DMD: variants seen among roughly 807,000 people sequenced by gnomAD.
The protein encoded by DMD is mutant dystrophin.
Under a neutral mutation model 330.1 loss-of-function variants are expected in DMD, and 63 were observed. That is an observed-to-expected ratio of 0.19 (90% CI 0.16 to 0.24). The LOEUF (loss-of-function observed/expected upper bound fraction) is 0.24. Among genes scored for constraint, DMD ranks in the 10% least tolerant of loss-of-function variants. The pLI is 1.00. For synonymous variants in DMD, 1,223 were observed against 959.8 expected (o/e 1.27, Z -5.07); for missense variants, 3,344 against 2,684.1 (o/e 1.25, Z -5.43).
rs72466567 is a variant in DMD at position 31,478,191 on chromosome X, C to A, written c.8852G>T (p.Arg2951Leu). 3 of 1,211,012 alleles carry A rather than the reference C, an allele frequency of 2.5e-6. No homozygotes were observed. The highest frequency in any genetic ancestry group is 1.7e-5 in the African/African-American group (1 of 57,706). Residue 2951 changes from arginine (R) to leucine (L), a missense_variant, in exon 59 of 79, where the codon CGC becomes CTC. Physicochemically the swap from Arg to Leu is moderately radical, Grantham distance 102 (BLOSUM62 -2). Coordinates refer to ENST00000357033, the MANE Select transcript of DMD (RefSeq NM_004006.3). ...GGATCCCTTGATCACCTCAGCTTGG[C>A]GCAGCTTGAGGTCCAGCTCATCCGT... Reference protein sequence around the residue: ...EATDELDLKLRQAEVIKGSWQ... With the variant: ...EATDELDLKLLQAEVIKGSWQ...
chrX:32,544,177 C>T (rs964099528), intron 17 of DMD, among the ~76,000 whole-genome samples: 3 of 111,110 alleles, frequency 2.7e-5, no homozygotes, highest in Admixed American at 9.6e-5. Context: ...GAGAAAAGGC[C>T]CAGTGATTTA....
chrX:31,670,109 A>C (rs1322890406), intron 53 of DMD, among the ~76,000 whole-genome samples: 1 of 111,616 alleles, frequency 9.0e-6, no homozygotes, highest in Non-Finnish European at 1.9e-5. Context: ...ATTCATTTTT[A>C]ATGTATAAAA....
chrX:32,568,208 A>T (rs1158630810), intron 15 of DMD, among the ~76,000 whole-genome samples: 1 of 112,196 alleles, frequency 8.9e-6, no homozygotes, highest in East Asian at 2.8e-4. Context: ...AATGAAAGTG[A>T]AAGTCACCAT....
chrX:31,653,084 C>T (rs2080555704), intron 54 of DMD, among the ~76,000 whole-genome samples: 1 of 111,111 alleles, frequency 9.0e-6, no homozygotes, highest in African/African-American at 3.3e-5. Flanking sequence ...ACTAGAGTAG[C>T]TCCTTGCTAC....
Position 32,255,667 on chromosome X carries a change from T to C in DMD, c.6290+31862A>G, listed in dbSNP as rs148947791. Among the ~76,000 whole-genome samples the C allele has an allele frequency of 5.9e-3, 662 of 112,188 alleles. 7 individuals carry two copies. Among genetic ancestry groups the C allele is most frequent in the African/African-American group, 0.02 (631 of 30,957 alleles). On this transcript the variant is annotated intron_variant, in intron 43 of 78. Transcript: ENST00000357033. ...GATAATTTTATTCTCGGCCTACATA[T>C]GAGAAAACAAGGAAAGTGCTGAATG... is the stretch of plus-strand genomic sequence containing the variant.
At chrX:32,315,804 T>C (rs138323328) in intron 41 of DMD, among the ~76,000 whole-genome samples, 2,478 of 111,766 alleles carry the variant, frequency 0.022, 33 homozygotes, top group Middle Eastern at 0.047. Flanking sequence ...TTTTCACCTA[T>C]CTTTCAAAGA....
intron 17 of DMD, among the ~76,000 whole-genome samples, chrX:32,528,663 C>T (rs1288037904): frequency 2.7e-5 from 3 of 111,254 alleles, no homozygotes; most frequent in Admixed American, 9.5e-5. Context: ...GACTTTAAGT[C>T]TGATAAGAAG....
At chrX:31,221,709 C>T (rs2046055835) in intron 64 of DMD, among the ~76,000 whole-genome samples, 1 of 112,907 alleles carries the variant, frequency 8.9e-6, no homozygotes, top group Non-Finnish European at 1.9e-5. Flanking sequence ...CTACAAATTT[C>T]ATGAACATCC....
chrX:31,714,080 C>T (rs775696842), intron 52 of DMD, among the ~76,000 whole-genome samples: 15 of 111,467 alleles, frequency 1.3e-4, no homozygotes, highest in African/African-American at 4.2e-4. Flanking sequence ...TCTATTCTGT[C>T]TCTATTAGAA....
At chrX:32,457,975 TTCTA>T (rs1363600910) in intron 25 of DMD, among the ~76,000 whole-genome samples, 5 of 111,396 alleles carry the variant, frequency 4.5e-5, no homozygotes, top group South Asian at 3.7e-4. Context: ...TCTATTTGTT[TTCTA>T]TCTAACAAAC....
At chrX:31,814,640 A>G (rs978553422) in intron 50 of DMD, among the ~76,000 whole-genome samples, 5 of 111,390 alleles carry the variant, frequency 4.5e-5, no homozygotes, top group Non-Finnish European at 9.4e-5. Flanking sequence ...GCATGTCTAT[A>G]TGCAATTTCT....
chrX:31,762,740 C>T (rs1232271845), intron 51 of DMD, among the ~76,000 whole-genome samples: 2 of 111,481 alleles, frequency 1.8e-5, no homozygotes, highest in African/African-American at 6.5e-5. Context: ...CTGGATAAGC[C>T]ACTGTAGTGA....
chrX:32,233,599 T>TTTTATTTA (rs767364915), intron 43 of DMD, among the ~76,000 whole-genome samples: 2,236 of 87,899 alleles, frequency 0.025, 29 homozygotes, highest in Middle Eastern at 0.035. Context: ...TTTCTTTTTC[T>TTTTATTTA]TTTATTTATT....
At chrX:31,164,899 A>G (rs951595742) in intron 74 of DMD, among the ~76,000 whole-genome samples, 5 of 110,898 alleles carry the variant, frequency 4.5e-5, no homozygotes, top group African/African-American at 1.6e-4. Context: ...CTTCTTAAAA[A>G]AGGTAATACA....
intron 47 of DMD, among the ~76,000 whole-genome samples, chrX:31,925,847 G>A (rs1326073278): frequency 9.7e-6 from 1 of 103,298 alleles, no homozygotes; most frequent in Non-Finnish European, 2.0e-5. Flanking sequence ...ACTCCAGCCT[G>A]GGCGACAGAG....
intron 1 of DMD, among the ~76,000 whole-genome samples, chrX:33,283,435 A>G (rs773293059): frequency 7.6e-4 from 83 of 108,587 alleles, no homozygotes; most frequent in African/African-American, 2.6e-3. Flanking sequence ...GAGGCAGGAG[A>G]ATTGCTTGAA....
intron 47 of DMD, among the ~76,000 whole-genome samples, chrX:31,906,201 T>A (rs1049084293): frequency 8.9e-6 from 1 of 111,934 alleles, no homozygotes; most frequent in Admixed American, 9.5e-5. Context: ...AAGAAGAAGG[T>A]GTTTGCTTCC....
Position 32,429,007 on chromosome X carries a change from G to T in DMD, c.4071+9234C>A, listed in dbSNP as rs141426018. On this transcript the variant is annotated intron_variant, in intron 29 of 78. Coordinates refer to ENST00000357033, the MANE Select transcript of DMD (RefSeq NM_004006.3). ...GTCTATTTTGCTGGAAATAAATTAG[G>T]TGTCTAAGCTTTTTATTGATTAATC... 3.5e-4 allele frequency among the ~76,000 whole-genome samples: 39 copies of T among 110,883 alleles called. 2 individuals are homozygous for T. In the East Asian group the frequency reaches 0.01, roughly 30 times the overall value.
chrX:32,389,615 C>A lies in DMD; in HGVS notation c.4404G>T (p.Glu1468Asp), dbSNP rs1462655612. 2.5e-6 allele frequency: 3 copies of A among 1,210,750 alleles called. No individual in the cohort carries two copies. Among genetic ancestry groups the A allele is most frequent in the Non-Finnish European group, 3.4e-6 (3 of 894,973 alleles). The change falls in exon 32 of 79, where the codon GAG (glutamate) becomes GAT (aspartate). Residue 1468 changes from glutamate to aspartate, a missense_variant. Physicochemically the swap from Glu to Asp is conservative, Grantham distance 45. Coordinates refer to ENST00000357033, the MANE Select transcript of DMD (RefSeq NM_004006.3). ...FRLFQKPANF[E>D]QRLQESKMIL... ...TCATCTTACTTTCTTGTAGACGCTGCTCAAAATTGGCTGGTTTCTGGAATA... is the reference window on the plus strand; with the variant it reads ...TCATCTTACTTTCTTGTAGACGCTGATCAAAATTGGCTGGTTTCTGGAATA...
Sources: gnomAD v4.1 joint callset for allele counts (sites outside exome capture counted in the v4.1 genomes callset) on GRCh38, gnomAD v4.1.1 for gene constraint, MANE v1.5 for transcripts, NCBI Gene and HGNC (gene_info 2026-07-23, HGNC 2026-07-21) for gene names.